The following PTPRK variants were observed in gnomAD, a reference collection of about 807,000 sequenced individuals.
The protein encoded by PTPRK is receptor-type tyrosine-protein phosphatase kappa.
Under a neutral mutation model 178.0 loss-of-function variants are expected in PTPRK, and 75 were observed. The observed-to-expected ratio is 0.42, with a 90% CI of 0.35 to 0.51. PTPRK has a LOEUF of 0.51. Among genes scored for constraint, PTPRK ranks in the 20% least tolerant of loss-of-function variants. The pLI, the probability that PTPRK is intolerant of heterozygous loss-of-function variation, is 0.02. For synonymous variants in PTPRK, 637 were observed against 620.6 expected (o/e 1.03, Z -0.39); for missense variants, 1,441 against 1,797.8 (o/e 0.80, Z 3.59).
intron 12 of PTPRK, among the ~76,000 whole-genome samples, chr6:128,066,061 A>G (rs1781699993): frequency 6.6e-6 from 1 of 152,242 alleles, no homozygotes; most frequent in South Asian, 2.1e-4. Context: ...GACATTCATT[A>G]ACACTCCTCT....
At chr6:128,518,852 G>C in intron 1 of PTPRK, 1 of 369,498 alleles carries the variant, frequency 2.7e-6, no homozygotes, top group South Asian at 2.1e-5. Context: ...ACCTGAATCT[G>C]TTGTTTAACT....
chr6:128,224,670 G>A (rs2128275620), intron 5 of PTPRK, among the ~76,000 whole-genome samples: 1 of 152,294 alleles, frequency 6.6e-6, no homozygotes, highest in South Asian at 2.1e-4. Flanking sequence ...ACAGTGACAT[G>A]TTTTTAAAAT....
At chr6:128,337,126 C>A (rs1831038857) in intron 2 of PTPRK, among the ~76,000 whole-genome samples, 1 of 152,110 alleles carries the variant, frequency 6.6e-6, no homozygotes, top group African/African-American at 2.4e-5. Context: ...TTATTCCTAC[C>A]TTCTTCATAA....
At chr6:128,225,615 TA>T (rs1811164046) in intron 5 of PTPRK, among the ~76,000 whole-genome samples, 1 of 152,194 alleles carries the variant, frequency 6.6e-6, no homozygotes, top group African/African-American at 2.4e-5. Flanking sequence ...GAAATCATTT[TA>T]AAGACAATTT....
intron 14 of PTPRK, among the ~76,000 whole-genome samples, chr6:128,007,732 G>A (rs1778597991): frequency 6.6e-6 from 1 of 150,954 alleles, no homozygotes; most frequent in South Asian, 2.1e-4. Flanking sequence ...ATAATCAGAA[G>A]CCACTTTCAT....
At chr6:127,988,448 T>C (rs1776225528) in intron 21 of PTPRK, among the ~76,000 whole-genome samples, 1 of 151,892 alleles carries the variant, frequency 6.6e-6, no homozygotes, top group Non-Finnish European at 1.5e-5. Flanking sequence ...ATGCTAACTT[T>C]TAAAACATAG....
intron 3 of PTPRK, among the ~76,000 whole-genome samples, chr6:128,311,820 C>T (rs1453999422): frequency 6.6e-6 from 1 of 152,080 alleles, no homozygotes; most frequent in Non-Finnish European, 1.5e-5. Flanking sequence ...TCTTGGAGAT[C>T]CTTTATTAGT....
intron 7 of PTPRK, among the ~76,000 whole-genome samples, chr6:128,121,498 A>G (rs574371350): frequency 6.6e-6 from 1 of 152,202 alleles, no homozygotes; most frequent in South Asian, 2.1e-4. Flanking sequence ...CATTATAAAC[A>G]GTAACATTAA....
chr6:128,098,307 T>C (rs917751851), intron 7 of PTPRK, among the ~76,000 whole-genome samples: 2 of 152,148 alleles, frequency 1.3e-5, no homozygotes, highest in African/African-American at 4.8e-5. Flanking sequence ...TGGGGTCTGC[T>C]TCCCCATGCT....
In PTPRK at chr6:128,118,423, T is replaced by C. The variant is rs11154435; in HGVS notation, c.1163-28431A>G. On this transcript the variant is annotated intron_variant, in intron 7 of 29. Transcript: ENST00000368226. ...GTAGAATTCAGAAAAGCAGGAAGAA[T>C]GCTGAATTTTACACACCACTTTTTA... Among the ~76,000 whole-genome samples the C allele has an allele frequency of 3.6e-3, 547 of 152,310 alleles. 5 individuals carry two copies. The highest frequency in any genetic ancestry group is 0.012 in the African/African-American group (503 of 41,570).
chr6:127,976,590 A>G (rs1190570984), intron 27 of PTPRK, 67 bp downstream of exon 27: 6 of 1,577,118 alleles, frequency 3.8e-6, no homozygotes, highest in Non-Finnish European at 5.2e-6. Flanking sequence ...TCTGAATAAA[A>G]TTATACCACA....
intron 7 of PTPRK, among the ~76,000 whole-genome samples, chr6:128,174,319 G>T (rs1800738130): frequency 6.6e-6 from 1 of 152,036 alleles, no homozygotes; most frequent in Non-Finnish European, 1.5e-5. Context: ...AAGGAGTGGG[G>T]AGGGAAAAGA....
intron 7 of PTPRK, among the ~76,000 whole-genome samples, chr6:128,153,476 A>C (rs565612979): frequency 6.6e-6 from 1 of 152,144 alleles, no homozygotes; most frequent in South Asian, 2.1e-4. Flanking sequence ...ATATGCTATC[A>C]AAAGAAAAAA....
chr6:127,974,985 G>C (rs1225349012), intron 27 of PTPRK, among the ~76,000 whole-genome samples: 1 of 151,998 alleles, frequency 6.6e-6, no homozygotes, highest in Non-Finnish European at 1.5e-5. Context: ...GCATCTTTTG[G>C]TAGATTACAA....
At chr6:128,081,550 CATT>C (rs1380347497) in intron 10 of PTPRK, among the ~76,000 whole-genome samples, 1 of 151,738 alleles carries the variant, frequency 6.6e-6, no homozygotes, top group African/African-American at 2.4e-5. Flanking sequence ...AATGATGTAT[CATT>C]AATATTTGCC....
intron 14 of PTPRK, among the ~76,000 whole-genome samples, chr6:128,008,258 T>G (rs1482560858): frequency 2.0e-5 from 3 of 151,038 alleles, no homozygotes; most frequent in African/African-American, 7.3e-5. Flanking sequence ...ACTTATTATA[T>G]TTTTCAATAG....
chr6:128,438,365 T>C (rs6919635), intron 1 of PTPRK, among the ~76,000 whole-genome samples: 7,044 of 152,292 alleles, frequency 0.046, 572 homozygotes, highest in African/African-American at 0.16. Flanking sequence ...ATAATTCTAC[T>C]GTAAGTTTCT....
chr6:127,987,953 C>A (rs1011107786), intron 21 of PTPRK, among the ~76,000 whole-genome samples: 8 of 151,922 alleles, frequency 5.3e-5, no homozygotes, highest in Non-Finnish European at 1.2e-4. Context: ...AAATTAAATG[C>A]ATTAATCTAT....
rs1381507619 is a variant in PTPRK at position 128,219,079 on chromosome 6, A to G, written c.711T>C (p.Asp237=). 1.9e-6 allele frequency: 3 copies of G among 1,612,840 alleles called. No individual in the cohort carries two copies. Among genetic ancestry groups the G allele is most frequent in the Non-Finnish European group, 1.7e-6 (2 of 1,179,364 alleles). The part of the protein sequence containing the change: ...KLWLQRRNGE[D]IPVAQTKNIN... The stretch of plus-strand genomic sequence containing the variant: ...TGTTCTTAGTCTGGGCTACTGGTAT[A>G]TCTTCTCCATTTCGTCTCTGCAAAC... Residue 237 remains aspartate (D), a synonymous_variant, in exon 6 of 30, where the codon GAT becomes GAC. Coordinates refer to ENST00000368226, the MANE Select transcript of PTPRK (RefSeq NM_002844.4).
Sources: allele counts gnomAD v4.1 joint callset (sites outside exome capture counted in the v4.1 genomes callset), GRCh38; gene constraint gnomAD v4.1.1; transcripts MANE v1.5; gene names NCBI Gene and HGNC (gene_info 2026-07-23, HGNC 2026-07-21).